The following ITSN2 variants were observed in gnomAD, a reference collection of about 807,000 sequenced individuals.
ITSN2 encodes intersectin-2.
In ITSN2, 156 loss-of-function variants were observed where a neutral mutation model predicts 243.7. The observed-to-expected ratio is 0.64, with a 90% CI of 0.56 to 0.73. The LOEUF (loss-of-function observed/expected upper bound fraction) is 0.73. Among genes scored for constraint, ITSN2 ranks in the 30% least tolerant of loss-of-function variants. The pLI, the probability that ITSN2 is intolerant of heterozygous loss-of-function variation, is 0.00. For synonymous variants in ITSN2, 703 were observed against 699.9 expected (o/e 1.00, Z -0.07); for missense variants, 1,801 against 1,996.1 (o/e 0.90, Z 1.86).
At chr2:24,244,801 C>A (rs1281979522) in intron 29 of ITSN2, among the ~76,000 whole-genome samples, 1 of 152,192 alleles carries the variant, frequency 6.6e-6, no homozygotes, top group Non-Finnish European at 1.5e-5. Context: ...TTCCTCCCAT[C>A]TCCAAGTTGG....
At position 24,296,118 on chromosome 2, in the gene ITSN2, C is replaced by T. The variant is rs538415286; in HGVS notation, c.1495-314G>A. The stretch of plus-strand genomic sequence containing the variant: ...ATTAACAATATTAATATCAGAGACA[C>T]TCTCAAAGAATGATGAAGAGGAATA... On this transcript the variant is annotated intron_variant, in intron 13 of 39. Coordinates refer to ENST00000355123, the MANE Select transcript of ITSN2 (RefSeq NM_006277.3). Among the ~76,000 whole-genome samples the T allele has an allele frequency of 1.0e-3, 153 of 152,268 alleles. 1 individual carries two copies. The highest frequency in any genetic ancestry group is 3.6e-3 in the African/African-American group (149 of 41,548).
At chr2:24,247,151 C>G (rs115454588) in intron 27 of ITSN2, among the ~76,000 whole-genome samples, 1 of 152,200 alleles carries the variant, frequency 6.6e-6, no homozygotes, top group African/African-American at 2.4e-5. Flanking sequence ...TTGGGTCATG[C>G]AGTATCAGCT....
intron 29 of ITSN2, among the ~76,000 whole-genome samples, chr2:24,232,135 C>T (rs1671688409): frequency 6.6e-6 from 1 of 152,142 alleles, no homozygotes; most frequent in Non-Finnish European, 1.5e-5. Context: ...AATTACTGGA[C>T]AAATTTCTAA....
chr2:24,319,884 T>G (rs1684354823), intron 2 of ITSN2, among the ~76,000 whole-genome samples: 1 of 152,322 alleles, frequency 6.6e-6, no homozygotes, highest in African/African-American at 2.4e-5. Flanking sequence ...GTAATGTACA[T>G]GAAGAGATCT....
At chr2:24,208,141 G>T in intron 37 of ITSN2, 96 bp downstream of exon 37, 1 of 1,079,608 alleles carries the variant, frequency 9.3e-7, no homozygotes, top group East Asian at 2.4e-5. Context: ...TGGTCTTTCA[G>T]ACCCGTCCCT....
intron 30 of ITSN2, among the ~76,000 whole-genome samples, chr2:24,218,847 G>T (rs1224050863): frequency 6.6e-6 from 1 of 152,150 alleles, no homozygotes; most frequent in Non-Finnish European, 1.5e-5. Flanking sequence ...AAATAGAGAA[G>T]TTACCTGAGA....
At chr2:24,269,582 C>T (rs116764775) in intron 20 of ITSN2, among the ~76,000 whole-genome samples, 4 of 152,166 alleles carry the variant, frequency 2.6e-5, no homozygotes, top group African/African-American at 9.7e-5. Flanking sequence ...TGTGCTAAAG[C>T]TGGTAGCAGT....
chr2:24,260,568 T>A (rs1675702710), intron 22 of ITSN2, among the ~76,000 whole-genome samples: 1 of 152,036 alleles, frequency 6.6e-6, no homozygotes, highest in Non-Finnish European at 1.5e-5. Flanking sequence ...CATTTTGAGC[T>A]TAGAAACCTT....
At chr2:24,269,181 C>A (rs1161962243) in intron 20 of ITSN2, among the ~76,000 whole-genome samples, 3 of 152,020 alleles carry the variant, frequency 2.0e-5, no homozygotes, top group South Asian at 2.1e-4. Flanking sequence ...CGTTACTACT[C>A]CCCTGGATGA....
rs902082494 is a variant in ITSN2, at chr2:24,299,569, T to C, written c.1344+340A>G. 3.9e-5 allele frequency among the ~76,000 whole-genome samples: 6 copies of C among 152,206 alleles called. No homozygotes were observed. In the East Asian group the frequency reaches 1.2e-3, roughly 29 times the overall value. ...TCTCCAATTCCTTGGACTCTTAATC[T>C]GGATCTTAAACTTGCTTTCGTCTAA... On this transcript the variant is annotated intron_variant, in intron 12 of 39. Coordinates refer to ENST00000355123, the MANE Select transcript of ITSN2 (RefSeq NM_006277.3).
chr2:24,235,671 A>T (rs1319168038), intron 29 of ITSN2, among the ~76,000 whole-genome samples: 1 of 152,228 alleles, frequency 6.6e-6, no homozygotes, highest in Non-Finnish European at 1.5e-5. Context: ...AAAAGTGATT[A>T]TGAAGACAAA....
At chr2:24,248,992 T>A in intron 25 of ITSN2, 110 bp from the exon 26 acceptor site, 2 of 1,098,808 alleles carry the variant, frequency 1.8e-6, no homozygotes, top group Non-Finnish European at 2.7e-6. Context: ...CTTTTCTCTT[T>A]AAATGAAGAT....
intron 2 of ITSN2, among the ~76,000 whole-genome samples, chr2:24,322,385 T>C (rs1009035060): frequency 4.6e-5 from 7 of 152,210 alleles, no homozygotes; most frequent in African/African-American, 1.7e-4. Flanking sequence ...TCAGGCTTAA[T>C]TAAGAGTCTT....
chr2:24,255,581 T>C (rs537659284), intron 23 of ITSN2, among the ~76,000 whole-genome samples: 21 of 152,288 alleles, frequency 1.4e-4, no homozygotes, highest in Admixed American at 8.5e-4. Flanking sequence ...TGAGCTGAGA[T>C]TGTGCCACTG....
Position 24,220,977 on chromosome 2 carries a change from G to A in ITSN2, c.3667C>T (p.Arg1223Trp), listed in dbSNP as rs1467025085. Residue 1223 changes from arginine to tryptophan, a missense_variant, in exon 30 of 40, where the codon CGG (arginine) becomes TGG (tryptophan). Physicochemically the swap from Arg to Trp is moderately radical, Grantham distance 101. This residue lies in a region of ITSN2 where 928 missense variants were observed against 1,065.4 expected (regional missense o/e 0.87). Coordinates refer to ENST00000355123, the MANE Select transcript of ITSN2 (RefSeq NM_006277.3). ...YIHELIQTEE[R>W]YMADLQLVVE... ...ACGAGCTGAAGGTCAGCCATGTACCGCTCTTCGGTCTGAATCAGCTCATGA... is the reference window on the plus strand; with the variant it reads ...ACGAGCTGAAGGTCAGCCATGTACCACTCTTCGGTCTGAATCAGCTCATGA... 7 of 1,608,826 alleles carry A rather than the reference G, an allele frequency of 4.4e-6. No individual in the cohort carries two copies. Among genetic ancestry groups the A allele is most frequent in the African/African-American group, 1.3e-5 (1 of 74,506 alleles).
At chr2:24,205,672 C>G (rs778656933) in intron 37 of ITSN2, 7 of 247,630 alleles carry the variant, frequency 2.8e-5, no homozygotes, top group Non-Finnish European at 5.7e-5. Context: ...CAGACAGGAG[C>G]CAGGGTAGAG....
chr2:24,211,012 G>T lies in ITSN2; in HGVS notation c.4090-65C>A, dbSNP rs573440354. 1 of 1,497,048 alleles carries T rather than the reference G, an allele frequency of 6.7e-7. No individual in the cohort carries two copies. Among genetic ancestry groups the T allele is most frequent in the Non-Finnish European group, 9.2e-7 (1 of 1,082,272 alleles). 92.7% of individuals were successfully genotyped at this position (1,497,048 alleles called of 1,614,324 possible). ...CTCTCACCTGCCCACCTGGACCTTC[G>T]CAGGACCGCTCCTCCAACCCCATGT... is the stretch of plus-strand genomic sequence containing the variant. On this transcript the variant is annotated intron_variant, in intron 33 of 39. Coordinates refer to ENST00000355123, the MANE Select transcript of ITSN2 (RefSeq NM_006277.3). This position sits in a 1 kb window ranked among gnomAD's most constrained non-coding sequence, Gnocchi z 4.1.
Position 24,217,968 on chromosome 2 carries a change from C to T in ITSN2, c.3745G>A (p.Glu1249Lys). The change falls in exon 31 of 40, where the codon GAG (glutamate) becomes AAG (lysine). Residue 1249 changes from glutamate to lysine, a missense_variant. By Grantham distance (56) the Glu-to-Lys change is moderately conservative. Transcript: ENST00000355123. ...MAESGFLTEG[E>K]MALIFVNWKE... ...CAGTTAACAAAAATCAGGGCCATCTCCCCTTCAGTGAGAAAGCCTGACTCT... is the reference window on the plus strand; with the variant it reads ...CAGTTAACAAAAATCAGGGCCATCTTCCCTTCAGTGAGAAAGCCTGACTCT... The T allele has an allele frequency of 6.2e-7, 1 of 1,614,128 alleles. No individual in the cohort carries two copies. Among genetic ancestry groups the T allele is most frequent in the Non-Finnish European group, 8.5e-7 (1 of 1,179,994 alleles).
chr2:24,205,825 A>AGACTT (rs1668807067), intron 37 of ITSN2: 1 of 164,968 alleles, frequency 6.1e-6, no homozygotes, highest in South Asian at 1.6e-4. Flanking sequence ...GGCATGTGCT[A>AGACTT]GACTTATGTA....
Sources: allele counts gnomAD v4.1 joint callset (sites outside exome capture counted in the v4.1 genomes callset), GRCh38; gene constraint gnomAD v4.1.1; regional missense constraint gnomAD v4.1.1; non-coding constraint Gnocchi (gnomAD v3.1); transcripts MANE v1.5; gene names NCBI Gene and HGNC (gene_info 2026-07-23, HGNC 2026-07-21).